RASGRP2: variants seen among roughly 807,000 people sequenced by gnomAD.
The protein encoded by RASGRP2 is RAS guanyl-releasing protein 2.
RASGRP2 carries 44 observed loss-of-function variants against 71.0 expected under a neutral mutation model. The observed-to-expected ratio is 0.62, with a 90% CI of 0.49 to 0.80. RASGRP2 has a LOEUF of 0.80. RASGRP2 is among the 30% of genes least tolerant of loss of function. The pLI, the probability that RASGRP2 is intolerant of heterozygous loss-of-function variation, is 0.00. For synonymous variants in RASGRP2, 350 were observed against 330.7 expected (o/e 1.06, Z -0.63); for missense variants, 663 against 813.4 (o/e 0.82, Z 2.25).
chr11:64,745,383 G>A (rs528540917), upstream of RASGRP2: 1 of 152,708 alleles, frequency 6.5e-6, no homozygotes, highest in East Asian at 1.9e-4. Flanking sequence ...CCTTGAGATA[G>A]TCTGGGGGAT....
chr11:64,735,542 C>T lies in RASGRP2; in HGVS notation c.1296G>A (p.Glu432=). 1 of 1,614,122 alleles carries T rather than the reference C, an allele frequency of 6.2e-7. No individual in the cohort carries two copies. Among genetic ancestry groups the T allele is most frequent in the Non-Finnish European group, 8.5e-7 (1 of 1,180,038 alleles). Residue 432 remains glutamate (E), a splice_region_variant and synonymous_variant, in exon 11 of 17, where the codon GAG becomes GAA. Transcript: ENST00000394432. This position sits in a 1 kb window ranked among gnomAD's most constrained non-coding sequence, Gnocchi z 4.2. ...LVVEHIEKMV[E]SVFRNFDVDG... Reference sequence around the variant, plus strand: ...CTGCTCAGGCTCCGCAGGAGCTCACCTCCACCATCTTCTCGATGTGCTCCA... The same window carrying T: ...CTGCTCAGGCTCCGCAGGAGCTCACTTCCACCATCTTCTCGATGTGCTCCA...
In RASGRP2 at chr11:64,743,739, G is replaced by C. The variant is rs1028967477; in HGVS notation, c.-72+264C>G. ...CGCGCACGGAGCAGGGTGTCCAGAG[G>C]GGGGCGCTCGCGCCAAGGGTGGCCG... On this transcript the variant is annotated intron_variant, in intron 1 of 16. Coordinates refer to ENST00000394432, the MANE Select transcript of RASGRP2 (RefSeq NM_001098671.2). This position sits in a 1 kb window ranked among gnomAD's most constrained non-coding sequence, Gnocchi z 4.9. The C allele has an allele frequency of 3.1e-6, 1 of 318,008 alleles. No individual in the cohort carries two copies. Among genetic ancestry groups the C allele is most frequent in the Non-Finnish European group, 6.1e-6 (1 of 163,982 alleles). 19.7% of individuals were successfully genotyped at this position (318,008 alleles called of 1,614,324 possible). A position where few individuals can be genotyped will look rare whatever the true frequency, so the allele number is the denominator to read the frequency against.
At chr11:64,740,726 G>C in intron 5 of RASGRP2, 1 of 685,626 alleles carries the variant, frequency 1.5e-6, no homozygotes, top group Non-Finnish European at 2.7e-6. Flanking sequence ...ACCCAGCGCA[G>C]CTACAGGAGG....
intron 8 of RASGRP2, among the ~76,000 whole-genome samples, chr11:64,738,714 C>A (rs1454381628): frequency 1.3e-5 from 2 of 152,144 alleles, no homozygotes; most frequent in Non-Finnish European, 2.9e-5. Flanking sequence ...GCTGGGATTA[C>A]AGGTGTGAGC....
chr11:64,741,927 G>C, intron 3 of RASGRP2, 83 bp downstream of exon 3: 1 of 1,186,984 alleles, frequency 8.4e-7, no homozygotes, highest in Non-Finnish European at 1.2e-6. Flanking sequence ...TTAGGAGCGA[G>C]GCTCATTCTG....
At position 64,743,898 on chromosome 11, in the gene RASGRP2, C is replaced by T; in HGVS notation, c.-72+105G>A. On this transcript the variant is annotated intron_variant, in intron 1 of 16. Transcript: ENST00000394432. This position sits in a 1 kb window ranked among gnomAD's most constrained non-coding sequence, Gnocchi z 4.9. Reference sequence around the variant, plus strand: ...GTGGAGGTGCAGGCGTCCGCACTTACACGCACCGGGCCACAGGCACCGGCC... The same window carrying T: ...GTGGAGGTGCAGGCGTCCGCACTTATACGCACCGGGCCACAGGCACCGGCC... 4 of 836,918 alleles carry T rather than the reference C, an allele frequency of 4.8e-6. No individual in the cohort carries two copies. The highest frequency in any genetic ancestry group is 5.9e-6 in the Non-Finnish European group (4 of 681,810). The allele number at this position is 836,918 out of a possible 1,614,324, so 51.8% of individuals were successfully genotyped here. A position where few individuals can be genotyped will look rare whatever the true frequency, so the allele number is the denominator to read the frequency against.
In RASGRP2 at chr11:64,727,671, C is replaced by G. The variant is rs569827194; in HGVS notation, c.1772-311G>C. ...GGGATTACAGGCGCCTGCCACCACGCCCAGCTAATTTTTGTATTTTTGTAT... is the reference window on the plus strand; with the variant it reads ...GGGATTACAGGCGCCTGCCACCACGGCCAGCTAATTTTTGTATTTTTGTAT... On this transcript the variant is annotated intron_variant, in intron 15 of 16. Coordinates refer to ENST00000394432, the MANE Select transcript of RASGRP2 (RefSeq NM_001098671.2). 2.4e-4 allele frequency among the ~76,000 whole-genome samples: 37 copies of G among 152,186 alleles called. 2 individuals carry two copies. The South Asian group carries it at 7.5e-3, about 31-fold the overall frequency.
At position 64,742,582 on chromosome 11, in the gene RASGRP2, G is replaced by T; in HGVS notation, c.73+212C>A. 1 of 665,452 alleles carries T rather than the reference G, an allele frequency of 1.5e-6. No homozygotes were observed. Among genetic ancestry groups the T allele is most frequent in the Non-Finnish European group, 2.6e-6 (1 of 391,852 alleles). The allele number at this position is 665,452 out of a possible 1,614,324, so 41.2% of individuals were successfully genotyped here. ...CCCGGCCCTCCCTTCGCCGCCGCTGGGGAAGGCTAGAGAAGGGAAACCTCA... is the reference window on the plus strand; with the variant it reads ...CCCGGCCCTCCCTTCGCCGCCGCTGTGGAAGGCTAGAGAAGGGAAACCTCA... On this transcript the variant is annotated intron_variant, in intron 2 of 16. Transcript: ENST00000394432. The surrounding 1 kb of genome is among the most constrained non-coding windows in gnomAD (Gnocchi z 4.7).
Position 64,734,485 on chromosome 11 carries a change from ATAAATT to A in RASGRP2, c.1412+621_1412+626del, listed in dbSNP as rs1202400966. On this transcript the variant is annotated intron_variant, in intron 12 of 16. Transcript: ENST00000394432. ...TCTTACTTTAAACATTTTGTTCACT[ATAAATT>A]TATTTTACCACCTAGATTTTATTTT... Among the ~76,000 whole-genome samples, 13 of 152,154 alleles carry A rather than the reference ATAAATT, an allele frequency of 8.5e-5. No individual in the cohort carries two copies. In the South Asian group the frequency reaches 2.7e-3, roughly 32 times the overall value.
At position 64,730,105 on chromosome 11, in the gene RASGRP2, A is replaced by G. The variant is rs923442147; in HGVS notation, c.1502T>C (p.Phe501Ser). ...LGGRMGFVHNFQESNSLRPVA... is the reference protein window; with the variant it reads ...LGGRMGFVHNSQESNSLRPVA... ...GGGGCGCAAGGAGTTGCTCTCCTGG[A>G]AGTTGTGTACGAAGCCCATGCGCCC... The change falls in exon 13 of 17, where the codon TTC becomes TCC. Residue 501 changes from phenylalanine (F) to serine (S), a missense_variant. Transcript: ENST00000394432. The G allele has an allele frequency of 2.3e-5, 36 of 1,550,742 alleles. No homozygotes were observed. The highest frequency in any genetic ancestry group is 3.1e-5 in the Non-Finnish European group (36 of 1,147,128).
Position 64,735,210 on chromosome 11 carries a change from A to G in RASGRP2, c.1314T>C (p.Phe438=), listed in dbSNP as rs750452972. 2.0e-5 allele frequency: 32 copies of G among 1,614,048 alleles called. No homozygotes were observed. The highest frequency in any genetic ancestry group is 9.9e-5 in the South Asian group (9 of 91,084). ...AGATGTGGCCATCCCCATCGACGTC[A>G]AAGTTCCGGAACACAGACTGGGGCA... ...EKMVESVFRN[F]DVDGDGHISQ... Residue 438 remains phenylalanine (F), a synonymous_variant, in exon 12 of 17, where the codon TTT becomes TTC. Coordinates refer to ENST00000394432, the MANE Select transcript of RASGRP2 (RefSeq NM_001098671.2). This position sits in a 1 kb window ranked among gnomAD's most constrained non-coding sequence, Gnocchi z 4.2.
In RASGRP2 at chr11:64,740,934, C is replaced by T. The variant is rs747654783; in HGVS notation, c.371+14G>A. 5.0e-6 allele frequency: 8 copies of T among 1,613,690 alleles called. No homozygotes were observed. Among genetic ancestry groups the T allele is most frequent in the Non-Finnish European group, 5.1e-6 (6 of 1,179,772 alleles). The stretch of plus-strand genomic sequence containing the variant: ...CTGAGTGCCCCCCCAGCCCTCTGTG[C>T]TCCCCCCACGCACACGCTGTCTATG... On this transcript the variant is annotated intron_variant, in intron 5 of 16. Transcript: ENST00000394432.
Position 64,741,474 on chromosome 11 carries a change from G to T in RASGRP2, c.204C>A (p.Ser68=). The stretch of plus-strand genomic sequence containing the variant: ...GGCACGTTTTCACCTGCAGGGAATT[G>T]GAGTTGTCCTTCCGGGATTGTTGGT... ...HIYQQSRKDN[S]NSLQVKTCHL... is the part of the protein sequence containing the mutation. Residue 68 remains serine, a synonymous_variant, in exon 4 of 17, where the codon TCC becomes TCA. Transcript: ENST00000394432. The T allele has an allele frequency of 6.3e-7, 1 of 1,580,966 alleles. No homozygotes were observed. The highest frequency in any genetic ancestry group is 8.6e-7 in the Non-Finnish European group (1 of 1,162,102).
At chr11:64,744,233 AGGGCCCGCCC>A, upstream of RASGRP2, 3 of 985,792 alleles carry the variant, frequency 3.0e-6, no homozygotes, top group Non-Finnish European at 3.6e-6. Context: ...TTTGCGGTGC[AGGGCCCGCCC>A]TGCGGCCCCA....
Position 64,741,929 on chromosome 11 carries a change from C to G in RASGRP2, c.176+81G>C. 7 of 1,220,446 alleles carry G rather than the reference C, an allele frequency of 5.7e-6. No individual in the cohort carries two copies. In the South Asian group the frequency reaches 7.7e-5, roughly 13 times the overall value. The allele number at this position is 1,220,446 out of a possible 1,614,324, so 75.6% of individuals were successfully genotyped here. A position where few individuals can be genotyped will look rare whatever the true frequency, so the allele number is the denominator to read the frequency against. On this transcript the variant is annotated intron_variant, in intron 3 of 16. Coordinates refer to ENST00000394432, the MANE Select transcript of RASGRP2 (RefSeq NM_001098671.2). ...GAGTGGCCTATACTTAGGAGCGAGG[C>G]TCATTCTGCACCTGGGCTGGGCAGA... is the stretch of plus-strand genomic sequence containing the variant.
intron 8 of RASGRP2, among the ~76,000 whole-genome samples, chr11:64,737,684 AAAAAAAAAAAAG>A (rs1406650483): frequency 6.6e-6 from 1 of 151,170 alleles, no homozygotes; most frequent in African/African-American, 2.4e-5. Context: ...ATCTCAAAAA[AAAAAAAAAAAAG>A]AAAGAAAAAG....
rs771060735 is a variant in RASGRP2 at position 64,739,712 on chromosome 11, A to G, written c.620T>C (p.Val207Ala). The G allele has an allele frequency of 2.5e-6, 4 of 1,613,874 alleles. No homozygotes were observed. The South Asian group carries it at 3.3e-5, about 13-fold the overall frequency. The change falls in exon 7 of 17, where the codon GTG becomes GCG. Residue 207 changes from valine to alanine, a missense_variant. Transcript: ENST00000394432. This position sits in a 1 kb window ranked among gnomAD's most constrained non-coding sequence, Gnocchi z 4.2. ...GGGTTTGCTGAGGATCATGAGCTGC[A>G]CCCACTGTGAGACGCTGTTGAAGAG... ...ISLFNSVSQW[V>A]QLMILSKPTA...
In RASGRP2 at chr11:64,735,213, G is replaced by A. The variant is rs1331026386; in HGVS notation, c.1311C>T (p.Asn437=). 1.9e-6 allele frequency: 3 copies of A among 1,614,040 alleles called. No individual in the cohort carries two copies. The Admixed American group carries it at 5.0e-5, about 27-fold the overall frequency. The change falls in exon 12 of 17, where the codon AAC becomes AAT. Residue 437 remains asparagine (N), a synonymous_variant. Coordinates refer to ENST00000394432, the MANE Select transcript of RASGRP2 (RefSeq NM_001098671.2). This position sits in a 1 kb window ranked among gnomAD's most constrained non-coding sequence, Gnocchi z 4.2. ...TGTGGCCATCCCCATCGACGTCAAA[G>A]TTCCGGAACACAGACTGGGGCACGC... ...IEKMVESVFR[N]FDVDGDGHIS...
At chr11:64,728,327 C>G (rs903495770) in intron 15 of RASGRP2, among the ~76,000 whole-genome samples, 16 of 152,230 alleles carry the variant, frequency 1.1e-4, no homozygotes, top group South Asian at 6.2e-4. Flanking sequence ...GCCTCTTTCA[C>G]TTTTATACCT....
Sources: allele counts gnomAD v4.1 joint callset (sites outside exome capture counted in the v4.1 genomes callset), GRCh38; gene constraint gnomAD v4.1.1; non-coding constraint Gnocchi (gnomAD v3.1); transcripts MANE v1.5; gene names NCBI Gene and HGNC (gene_info 2026-07-23, HGNC 2026-07-21).